Variants in KSR2 observed in about 807,000 individuals in gnomAD.
KSR2 encodes kinase suppressor of ras 2.
Under a neutral mutation model 107.8 loss-of-function variants are expected in KSR2, and 25 were observed. The ratio of observed to expected loss-of-function variants is 0.23; its 90% CI spans 0.17 to 0.32. The LOEUF is 0.32. KSR2 is among the 10% of genes least tolerant of loss of function. The pLI is 1.00. For missense variants in KSR2, 887 were observed against 1,268.9 expected (o/e 0.70, Z 4.57); for synonymous variants, 480 against 507.0 (o/e 0.95, Z 0.71).
At chr12:117,770,517 T>G (rs1889402673) in intron 3 of KSR2, among the ~76,000 whole-genome samples, 1 of 151,806 alleles carries the variant, frequency 6.6e-6, no homozygotes, top group Non-Finnish European at 1.5e-5. Flanking sequence ...CCATCTAGTT[T>G]GCGGTAGATT....
At chr12:117,564,426 T>C (rs992101527) in intron 7 of KSR2, among the ~76,000 whole-genome samples, 1 of 152,164 alleles carries the variant, frequency 6.6e-6, no homozygotes, top group African/African-American at 2.4e-5. Context: ...GTCAACGCTT[T>C]AGCAGGCAGG....
At chr12:117,480,440 A>T (rs1228624267) in intron 16 of KSR2, among the ~76,000 whole-genome samples, 1 of 152,106 alleles carries the variant, frequency 6.6e-6, no homozygotes, top group Non-Finnish European at 1.5e-5. Flanking sequence ...TATGGTTATT[A>T]TGATTAATAA....
chr12:117,820,383 A>G (rs994243901), intron 3 of KSR2, among the ~76,000 whole-genome samples: 1 of 152,224 alleles, frequency 6.6e-6, no homozygotes, highest in African/African-American at 2.4e-5. Context: ...TAAGTAGATT[A>G]TGCTTTTCTT....
At chr12:117,910,491 A>T (rs371697684) in intron 1 of KSR2, among the ~76,000 whole-genome samples, 1 of 152,194 alleles carries the variant, frequency 6.6e-6, no homozygotes, top group Non-Finnish European at 1.5e-5. Flanking sequence ...CTGCTCCTGT[A>T]TAAGGATCAG....
At chr12:117,559,050 G>GGATC (rs1220109238) in intron 7 of KSR2, among the ~76,000 whole-genome samples, 2 of 150,952 alleles carry the variant, frequency 1.3e-5, no homozygotes, top group Non-Finnish European at 3.0e-5. Context: ...AAGGATGGAT[G>GGATC]GATGGATGGA....
At chr12:117,854,376 C>T (rs536837819) in intron 3 of KSR2, among the ~76,000 whole-genome samples, 21 of 152,158 alleles carry the variant, frequency 1.4e-4, no homozygotes, top group South Asian at 4.1e-4. Flanking sequence ...CAAAAGGGCA[C>T]GCATGGAGGA....
chr12:117,885,123 A>AGCTCTGAGAGGCTTCTGAGAG, intron 1 of KSR2, among the ~76,000 whole-genome samples: 1 of 152,140 alleles, frequency 6.6e-6, no homozygotes, highest in Non-Finnish European at 1.5e-5. Flanking sequence ...TGGATGATGA[A>AGCTCTGAGAGGCTTCTGAGAG]GCTCTGAGAG....
chr12:117,509,972 C>T (rs576473407), intron 14 of KSR2, among the ~76,000 whole-genome samples: 1 of 152,330 alleles, frequency 6.6e-6, no homozygotes, highest in East Asian at 1.9e-4. Flanking sequence ...AGGGCCTCTG[C>T]TTCTCATCAC....
intron 2 of KSR2, among the ~76,000 whole-genome samples, chr12:117,857,528 A>G (rs1893142988): frequency 6.6e-6 from 1 of 152,242 alleles, no homozygotes; most frequent in Non-Finnish European, 1.5e-5. Context: ...TCATAAAAGT[A>G]ACATTTTTAT....
At chr12:117,667,106 A>G (rs964569057) in intron 5 of KSR2, among the ~76,000 whole-genome samples, 4 of 152,182 alleles carry the variant, frequency 2.6e-5, no homozygotes, top group African/African-American at 9.7e-5. Flanking sequence ...TCCTGTAATC[A>G]GGCAGCTGAG....
At chr12:117,532,928 T>C (rs1232664366) in intron 10 of KSR2, among the ~76,000 whole-genome samples, 1 of 152,180 alleles carries the variant, frequency 6.6e-6, no homozygotes, top group African/African-American at 2.4e-5. Flanking sequence ...AGTTGCTTTA[T>C]CAAATATTAG....
At chr12:117,517,602 GATA>G in intron 14 of KSR2, 1 of 338,314 alleles carries the variant, frequency 3.0e-6, no homozygotes, top group Non-Finnish European at 5.8e-6. Context: ...AGATGATGCT[GATA>G]ATAATAATGA....
At chr12:117,753,141 A>G (rs1392743650) in intron 4 of KSR2, among the ~76,000 whole-genome samples, 2 of 152,262 alleles carry the variant, frequency 1.3e-5, no homozygotes, top group African/African-American at 4.8e-5. Flanking sequence ...AACTGCATTT[A>G]TAGGATTAAA....
At chr12:117,682,425 T>G (rs989571934) in intron 4 of KSR2, among the ~76,000 whole-genome samples, 20 of 151,522 alleles carry the variant, frequency 1.3e-4, no homozygotes, top group South Asian at 2.1e-4. Context: ...TTTTTTTTGT[T>G]TTTTTTTTTG....
intron 3 of KSR2, among the ~76,000 whole-genome samples, chr12:117,794,766 GCACA>G (rs145502747): frequency 2.8e-4 from 42 of 152,098 alleles, no homozygotes; most frequent in African/African-American, 9.2e-4. Flanking sequence ...CACCCAACGT[GCACA>G]CACACACAGA....
intron 6 of KSR2, among the ~76,000 whole-genome samples, chr12:117,581,196 G>A (rs1228637862): frequency 6.6e-6 from 1 of 152,034 alleles, no homozygotes; most frequent in African/African-American, 2.4e-5. Context: ...AGTCCCCATC[G>A]TGAGAATGCT....
intron 4 of KSR2, among the ~76,000 whole-genome samples, chr12:117,695,468 G>A (rs951225913): frequency 2.5e-4 from 38 of 151,902 alleles, no homozygotes; most frequent in African/African-American, 9.2e-4. Context: ...CACTTTGGGA[G>A]GCCAAGGTGG....
At chr12:117,499,775 T>C (rs79638943) in intron 14 of KSR2, among the ~76,000 whole-genome samples, 1 of 152,208 alleles carries the variant, frequency 6.6e-6, no homozygotes, top group African/African-American at 2.4e-5. Context: ...ATTTTTTTTT[T>C]CTAATAACTG....
chr12:117,760,039 G>T (rs1196444525), intron 4 of KSR2, among the ~76,000 whole-genome samples: 1 of 152,186 alleles, frequency 6.6e-6, no homozygotes, highest in Non-Finnish European at 1.5e-5. Flanking sequence ...AACCTGGGAG[G>T]CAGAGGTTGC....
Sources: allele counts gnomAD v4.1 joint callset (sites outside exome capture counted in the v4.1 genomes callset), GRCh38; gene constraint gnomAD v4.1.1; transcripts MANE v1.5; gene names NCBI Gene and HGNC (gene_info 2026-07-23, HGNC 2026-07-21).